Variants in RYR2 observed in about 807,000 individuals in gnomAD.
The protein encoded by RYR2 is cardiac muscle ryanodine receptor-calcium release channel.
RYR2 carries 227 observed loss-of-function variants against 601.1 expected under a neutral mutation model. That is an observed-to-expected ratio of 0.38 (90% CI 0.34 to 0.42). The LOEUF is 0.42. Among genes scored for constraint, RYR2 ranks in the 10% least tolerant of loss-of-function variants. The pLI is 1.00. For synonymous variants in RYR2, 2,223 were observed against 2,175.1 expected, an observed-to-expected ratio of 1.02 and a Z score of -0.61; for missense variants, 4,646 against 6,156.5, an observed-to-expected ratio of 0.75 and a Z score of 8.21.
rs536055360 is a variant in RYR2 at position 237,216,715 on chromosome 1, G to A, written c.49-53782G>A. Among the ~76,000 whole-genome samples, 13 of 145,666 alleles carry A rather than the reference G, an allele frequency of 8.9e-5. No individual in the cohort carries two copies. In the South Asian group the frequency reaches 1.5e-3, roughly 17 times the overall value. ...CGTACTATTGCACTCCAGCTTGGGCGACACGGTAAGACTCCTTTTCTTAAA... is the reference window on the plus strand; with the variant it reads ...CGTACTATTGCACTCCAGCTTGGGCAACACGGTAAGACTCCTTTTCTTAAA... On this transcript the variant is annotated intron_variant, in intron 1 of 104. Coordinates refer to ENST00000366574, the MANE Select transcript of RYR2 (RefSeq NM_001035.3).
intron 102 of RYR2, 173 bp from the exon 103 acceptor site, chr1:237,830,357 T>G: frequency 1.9e-6 from 1 of 515,342 alleles, no homozygotes; most frequent in Non-Finnish European, 3.6e-6. Flanking sequence ...AACACCAAGA[T>G]ATAGTTACAG....
intron 100 of RYR2, among the ~76,000 whole-genome samples, chr1:237,809,985 A>C (rs913937181): frequency 2.0e-5 from 3 of 149,180 alleles, no homozygotes; most frequent in Non-Finnish European, 3.0e-5. Context: ...ATAAAAATGG[A>C]TGCCAACCTT....
intron 2 of RYR2, among the ~76,000 whole-genome samples, chr1:237,293,787 A>G (rs1332956800): frequency 6.6e-6 from 1 of 152,168 alleles, no homozygotes; most frequent in East Asian, 1.9e-4. Flanking sequence ...ACCTAGTTTT[A>G]GTTCAGCAAC....
chr1:237,607,305 T>G (rs1243816226), intron 35 of RYR2, among the ~76,000 whole-genome samples: 1 of 151,940 alleles, frequency 6.6e-6, no homozygotes, highest in African/African-American at 2.4e-5. Context: ...ACCACAATTC[T>G]CAGCAAACTA....
At chr1:237,646,495 G>A in intron 48 of RYR2, among the ~76,000 whole-genome samples, 1 of 152,050 alleles carries the variant, frequency 6.6e-6, no homozygotes, top group East Asian at 1.9e-4. Context: ...CCTTTTCAAT[G>A]ACAACTCAAT....
intron 42 of RYR2, among the ~76,000 whole-genome samples, 192 bp from the exon 43 acceptor site, chr1:237,633,386 T>C (rs1177296934): frequency 3.3e-5 from 5 of 152,226 alleles, no homozygotes; most frequent in Non-Finnish European, 7.3e-5. Context: ...TCTGAATTAG[T>C]GCCAGGCTTG....
intron 102 of RYR2, 62 bp from the exon 103 acceptor site, chr1:237,830,468 T>G: frequency 1.0e-6 from 1 of 971,074 alleles, no homozygotes; most frequent in Non-Finnish European, 1.7e-6. Context: ...ACATGGCGAG[T>G]TGTGTTTTCC....
chr1:237,554,086 G>A (rs1319423047), intron 27 of RYR2, among the ~76,000 whole-genome samples: 1 of 151,784 alleles, frequency 6.6e-6, no homozygotes, highest in East Asian at 1.9e-4. Context: ...CCTTATAGGG[G>A]GAAAGTTGTG....
intron 63 of RYR2, among the ~76,000 whole-genome samples, chr1:237,695,316 T>G (rs1353156595): frequency 1.3e-5 from 2 of 152,204 alleles, no homozygotes; most frequent in Non-Finnish European, 2.9e-5. Context: ...CTTTTTATGT[T>G]TACGTACACC....
intron 10 of RYR2, among the ~76,000 whole-genome samples, chr1:237,405,513 G>T (rs1034970199): frequency 1.3e-5 from 2 of 152,096 alleles, no homozygotes; most frequent in Non-Finnish European, 2.9e-5. Context: ...TTCTTATTGC[G>T]TATGTCTGCG....
At chr1:237,262,839 G>T (rs1311042006) in intron 1 of RYR2, among the ~76,000 whole-genome samples, 1 of 151,842 alleles carries the variant, frequency 6.6e-6, no homozygotes, top group Non-Finnish European at 1.5e-5. Context: ...CCTAAACCTG[G>T]AAAAAAATCT....
At chr1:237,499,916 AAGG>A (rs1456678389) in intron 20 of RYR2, among the ~76,000 whole-genome samples, 1 of 152,200 alleles carries the variant, frequency 6.6e-6, no homozygotes, top group African/African-American at 2.4e-5. Flanking sequence ...CGAATTAGCA[AAGG>A]AGTTCTTCGA....
chr1:237,286,464 C>T (rs1032450440), intron 2 of RYR2, among the ~76,000 whole-genome samples: 7 of 150,746 alleles, frequency 4.6e-5, no homozygotes, highest in Non-Finnish European at 8.8e-5. Flanking sequence ...GGAGAAAGTT[C>T]CATGCGCTTT....
At chr1:237,093,081 A>G (rs930825354) in intron 1 of RYR2, among the ~76,000 whole-genome samples, 2 of 152,198 alleles carry the variant, frequency 1.3e-5, no homozygotes, top group African/African-American at 4.8e-5. Flanking sequence ...TGGTTATTAA[A>G]TTCTTAAAGT....
At chr1:237,342,077 C>T (rs7552427) in intron 3 of RYR2, among the ~76,000 whole-genome samples, 281 of 152,094 alleles carry the variant, frequency 1.8e-3, no homozygotes, top group African/African-American at 6.0e-3. Context: ...ATAATATGCA[C>T]GCATACAAAA....
At chr1:237,306,203 A>T (rs185686098) in intron 2 of RYR2, among the ~76,000 whole-genome samples, 1 of 152,246 alleles carries the variant, frequency 6.6e-6, no homozygotes, top group Admixed American at 6.5e-5. Flanking sequence ...CCATTTAATA[A>T]TTTTCTATCT....
chr1:237,184,299 T>C (rs917735423), intron 1 of RYR2, among the ~76,000 whole-genome samples: 1 of 152,348 alleles, frequency 6.6e-6, no homozygotes, highest in South Asian at 2.1e-4. Context: ...ATCTCCCTGC[T>C]GTCTTAGGAG....
chr1:237,152,925 A>G (rs1273484716), intron 1 of RYR2, among the ~76,000 whole-genome samples: 1 of 152,054 alleles, frequency 6.6e-6, no homozygotes, highest in Non-Finnish European at 1.5e-5. Context: ...AGGTGTAAAT[A>G]TCCAGAATTT....
rs1679585107 is a variant in RYR2, at chr1:237,625,811, A to T, written c.6166+7A>T. On this transcript the variant is annotated splice_region_variant and intron_variant, in intron 40 of 104. Transcript: ENST00000366574. ...AGTGACTCCAAAAAGTCCTGTAAGC[A>T]GTATGAGAGTGCACTGGCAGAATGA... is the stretch of plus-strand genomic sequence containing the variant. 6.2e-7 allele frequency: 1 copy of T among 1,612,790 alleles called. No homozygotes were observed. The highest frequency in any genetic ancestry group is 1.3e-5 in the African/African-American group (1 of 74,924).
Sources: allele counts gnomAD v4.1 joint callset (sites outside exome capture counted in the v4.1 genomes callset), GRCh38; gene constraint gnomAD v4.1.1; transcripts MANE v1.5; gene names NCBI Gene and HGNC (gene_info 2026-07-23, HGNC 2026-07-21).